Variants in PCDHA2 observed in about 807,000 individuals in gnomAD.
PCDHA2 encodes protocadherin alpha 2.
A neutral mutation model predicts 66.0 loss-of-function variants in PCDHA2; 58 were observed. That is an observed-to-expected ratio of 0.88 (90% CI 0.71 to 1.09). PCDHA2 has a LOEUF of 1.09. Ranked by LOEUF, PCDHA2 falls within the 50% of genes least tolerant of loss-of-function variation. PCDHA2 has a pLI of 0.00. For missense variants in PCDHA2, 1,267 were observed against 1,242.3 expected (o/e 1.02, Z -0.30); for synonymous variants, 634 against 554.0 (o/e 1.14, Z -2.03).
chr5:140,803,372 G>A, intron 1 of PCDHA2: 1 of 1,614,176 alleles, frequency 6.2e-7, no homozygotes, highest in Non-Finnish European at 8.5e-7. Context: ...GGTGCTCCGC[G>A]CCGCCAACCG....
intron 1 of PCDHA2, chr5:140,825,961 T>C (rs937523362): frequency 1.3e-5 from 2 of 152,362 alleles, no homozygotes; most frequent in African/African-American, 2.4e-5. Context: ...TTGTCTACTC[T>C]TTTGAGGGGA....
chr5:140,836,281 C>G (rs2150256657), intron 1 of PCDHA2: 6 of 1,613,614 alleles, frequency 3.7e-6, no homozygotes, highest in Non-Finnish European at 4.2e-6. Flanking sequence ...GAGATCAGCA[C>G]GACACGAGCC....
intron 1 of PCDHA2, among the ~76,000 whole-genome samples, chr5:140,891,303 T>C (rs1007949282): frequency 6.6e-6 from 1 of 152,178 alleles, no homozygotes; most frequent in Non-Finnish European, 1.5e-5. Flanking sequence ...GGTATTTGAT[T>C]ACATGAGTAA....
chr5:140,838,077 A>AGT (rs2150283763), intron 1 of PCDHA2, among the ~76,000 whole-genome samples: 1,310 of 80,648 alleles, frequency 0.016, 14 homozygotes, highest in South Asian at 0.044. Context: ...ATATATATAT[A>AGT]GTGTGTGTGT....
At chr5:140,863,631 G>A (rs2048100597) in intron 1 of PCDHA2, 1 of 306,834 alleles carries the variant, frequency 3.3e-6, no homozygotes, top group Non-Finnish European at 6.4e-6. Flanking sequence ...CATTGATAAT[G>A]TTCACCAAGT....
At chr5:140,811,841 A>T (rs1300716407) in intron 1 of PCDHA2, 6 of 152,020 alleles carry the variant, frequency 3.9e-5, no homozygotes, top group African/African-American at 1.4e-4. Flanking sequence ...ACTTTTTGAT[A>T]GGGTTTTTTG....
At position 141,010,340 on chromosome 5, in the gene PCDHA2, C is replaced by T. The variant is rs1400539624; in HGVS notation, c.*403C>T. 2 of 1,533,798 alleles carry T rather than the reference C, an allele frequency of 1.3e-6. No homozygotes were observed. Among genetic ancestry groups the T allele is most frequent in the Non-Finnish European group, 1.8e-6 (2 of 1,140,544 alleles). On this transcript the variant is annotated 3_prime_UTR_variant, in exon 4 of 4. Coordinates refer to ENST00000526136, the MANE Select transcript of PCDHA2 (RefSeq NM_018905.3). ...TGAGCAGCTTGGGAGTTTGTGGCCA[C>T]TGGGTATGTGTGGCTACCGCGGGTA...
At chr5:140,798,892 A>C (rs1177258035) in intron 1 of PCDHA2, among the ~76,000 whole-genome samples, 1 of 152,200 alleles carries the variant, frequency 6.6e-6, no homozygotes, top group Non-Finnish European at 1.5e-5. Context: ...TTTGCTGTTT[A>C]TTCTAAATAT....
chr5:140,875,394 G>T, intron 1 of PCDHA2: 1 of 1,476,976 alleles, frequency 6.8e-7, no homozygotes, highest in South Asian at 1.4e-5. Context: ...TACAGAAAAG[G>T]GTGACTGCTC....
intron 1 of PCDHA2, chr5:140,843,614 C>A: frequency 6.3e-7 from 1 of 1,596,062 alleles, no homozygotes; most frequent in Non-Finnish European, 8.6e-7. Flanking sequence ...TGAGGGGCCA[C>A]CGAAGACGGA....
chr5:140,876,195 G>T lies in PCDHA2; in HGVS notation c.2388+78843G>T, dbSNP rs1554168359. On this transcript the variant is annotated intron_variant, in intron 1 of 3. Transcript: ENST00000526136. The stretch of plus-strand genomic sequence containing the variant: ...TGGATGTGAATGACAATGGTCCGGC[G>T]TTTGATAAGCCCAGCTATAAAGTAG... 4 of 1,613,946 alleles carry T rather than the reference G, an allele frequency of 2.5e-6. No homozygotes were observed. In the South Asian group the frequency reaches 4.4e-5, roughly 18 times the overall value.
At chr5:140,958,913 C>T (rs1367853733) in intron 1 of PCDHA2, among the ~76,000 whole-genome samples, 12 of 151,050 alleles carry the variant, frequency 7.9e-5, no homozygotes, top group Non-Finnish European at 8.8e-5. Context: ...AAAAGTCTGC[C>T]TGGGTGTGGT....
At chr5:140,972,480 C>A (rs558245112) in intron 1 of PCDHA2, among the ~76,000 whole-genome samples, 2 of 151,890 alleles carry the variant, frequency 1.3e-5, no homozygotes, top group East Asian at 3.9e-4. Context: ...AGCATTTAAC[C>A]CCAGACTCTA....
intron 1 of PCDHA2, among the ~76,000 whole-genome samples, chr5:140,945,017 T>C (rs1563211481): frequency 6.6e-6 from 1 of 152,172 alleles, no homozygotes; most frequent in Non-Finnish European, 1.5e-5. Context: ...AATTATTTTT[T>C]ACTCAGACAT....
In PCDHA2 at chr5:140,983,053, C is replaced by T. The variant is rs571565176; in HGVS notation, c.2536+490C>T. 3.3e-5 allele frequency among the ~76,000 whole-genome samples: 5 copies of T among 151,988 alleles called. No homozygotes were observed. In the East Asian group the frequency reaches 5.8e-4, roughly 18 times the overall value. On this transcript the variant is annotated intron_variant, in intron 3 of 3. Transcript: ENST00000526136. ...GTTTCTCATGGAAGTGGAAAATTAT[C>T]GGAACCAAGGCATTGTTTTGAGTTC...
intron 1 of PCDHA2, among the ~76,000 whole-genome samples, chr5:140,827,341 T>C (rs1438328156): frequency 6.6e-6 from 1 of 152,148 alleles, no homozygotes; most frequent in Non-Finnish European, 1.5e-5. Flanking sequence ...TGGTGAAGTA[T>C]ATGAAAAGAA....
At chr5:140,941,852 T>G (rs1254913265) in intron 1 of PCDHA2, among the ~76,000 whole-genome samples, 2 of 152,236 alleles carry the variant, frequency 1.3e-5, no homozygotes, top group Non-Finnish European at 2.9e-5. Context: ...TTACCTGATA[T>G]TCCCTATCAT....
In PCDHA2 at chr5:140,857,222, G is replaced by T. The variant is rs373834853; in HGVS notation, c.2388+59870G>T. ...GGTCACCTGCTCTCTGACGCCTCAC[G>T]TTCCGTTCAAGCTGGTGTCCACCTA... On this transcript the variant is annotated intron_variant, in intron 1 of 3. Coordinates refer to ENST00000526136, the MANE Select transcript of PCDHA2 (RefSeq NM_018905.3). 4 of 1,598,456 alleles carry T rather than the reference G, an allele frequency of 2.5e-6. No individual in the cohort carries two copies. Among genetic ancestry groups the T allele is most frequent in the African/African-American group, 2.7e-5 (2 of 74,394 alleles).
chr5:140,903,543 A>C (rs1309997907), intron 1 of PCDHA2, among the ~76,000 whole-genome samples: 2 of 152,206 alleles, frequency 1.3e-5, no homozygotes, highest in East Asian at 3.8e-4. Flanking sequence ...TAGAGCAAGA[A>C]ACTTTTCTAA....
Sources: gnomAD v4.1 joint callset for allele counts (sites outside exome capture counted in the v4.1 genomes callset) on GRCh38, gnomAD v4.1.1 for gene constraint, MANE v1.5 for transcripts, NCBI Gene and HGNC (gene_info 2026-07-23, HGNC 2026-07-21) for gene names.